PSPH: variants seen among roughly 807,000 people sequenced by gnomAD.
The protein encoded by PSPH is L-3-phosphoserine phosphatase.
In PSPH, 16 loss-of-function variants were observed where a neutral mutation model predicts 23.4. The observed-to-expected ratio is 0.68, with a 90% confidence interval of 0.46 to 1.04. The LOEUF is 1.04. Ranked by LOEUF, PSPH falls within the 50% of genes least tolerant of loss-of-function variation. The pLI is 0.00. For synonymous variants in PSPH, 68 were observed against 99.7 expected (o/e 0.68, Z 1.89); for missense variants, 223 against 273.7 (o/e 0.81, Z 1.31).
At chr7:56,017,939 T>C (rs1788802054) in intron 5 of PSPH, among the ~76,000 whole-genome samples, 1 of 151,826 alleles carries the variant, frequency 6.6e-6, no homozygotes, top group South Asian at 2.1e-4. Context: ...GCCAGGCTGG[T>C]CTTGAACTCC....
rs1216623595 is a variant in PSPH at position 56,011,590 on chromosome 7, A to G, written c.*172T>C. The G allele has an allele frequency of 8.2e-6, 1 of 122,022 alleles. No homozygotes were observed. Among genetic ancestry groups the G allele is most frequent in the Non-Finnish European group, 1.8e-5 (1 of 55,210 alleles). The allele number at this position is 122,022 out of a possible 1,614,324, so 7.6% of individuals were successfully genotyped here. A position where few individuals can be genotyped will look rare whatever the true frequency, so the allele number is the denominator to read the frequency against. On this transcript the variant is annotated 3_prime_UTR_variant, in exon 8 of 8. Coordinates refer to ENST00000275605, the MANE Select transcript of PSPH (RefSeq NM_004577.4). Reference sequence around the variant, plus strand: ...ATCATATAATACTGGAACTACAGTTAAAAAAAAAAAAAAAGCAATCTTCTA... The same window carrying G: ...ATCATATAATACTGGAACTACAGTTGAAAAAAAAAAAAAAGCAATCTTCTA...
At chr7:56,027,211 C>CAAA (rs11322718) in intron 3 of PSPH, among the ~76,000 whole-genome samples, 2 of 115,432 alleles carry the variant, frequency 1.7e-5, no homozygotes, top group African/African-American at 3.6e-5. Context: ...GTCTCAAAAA[C>CAAA]AAAAAAAAAA....
intron 1 of PSPH, among the ~76,000 whole-genome samples, chr7:56,038,406 C>T (rs867949784): frequency 2.0e-5 from 3 of 151,890 alleles, no homozygotes; most frequent in Non-Finnish European, 2.9e-5. Flanking sequence ...TTGCAGTGAG[C>T]GGAGATCGCG....
At chr7:56,031,046 C>T (rs1450772241) in intron 3 of PSPH, among the ~76,000 whole-genome samples, 1 of 149,004 alleles carries the variant, frequency 6.7e-6, no homozygotes, top group Non-Finnish European at 1.5e-5. Context: ...CCCGTCTCTA[C>T]TAAAAATATA....
At chr7:56,046,642 G>A (rs1303907819) in intron 1 of PSPH, among the ~76,000 whole-genome samples, 1 of 151,974 alleles carries the variant, frequency 6.6e-6, no homozygotes, top group East Asian at 1.9e-4. Flanking sequence ...AAATTAGCTG[G>A]GCATGGTGGC....
chr7:56,013,767 T>C (rs1488140798), intron 7 of PSPH, among the ~76,000 whole-genome samples: 4 of 151,448 alleles, frequency 2.6e-5, no homozygotes, highest in Non-Finnish European at 5.9e-5. Flanking sequence ...AAAAACAAAA[T>C]GCTCTGATAT....
chr7:56,047,781 C>G (rs1262154605), intron 1 of PSPH, among the ~76,000 whole-genome samples: 1 of 151,952 alleles, frequency 6.6e-6, no homozygotes, highest in Non-Finnish European at 1.5e-5. Context: ...ATTCTCCTGC[C>G]TCAGCCTACT....
Position 56,014,752 on chromosome 7 carries a change from T to G in PSPH, c.570+271A>C, listed in dbSNP as rs533846228. On this transcript the variant is annotated intron_variant, in intron 7 of 7. Transcript: ENST00000275605. ...TGAGGTCAGGAGTTCGAGACCAGCA[T>G]GGCCAACGTGGCGAAACATTGTCTC... Among the ~76,000 whole-genome samples the G allele has an allele frequency of 2.6e-5, 4 of 152,266 alleles. No homozygotes were observed. In the South Asian group the frequency reaches 8.3e-4, roughly 32 times the overall value.
intron 3 of PSPH, among the ~76,000 whole-genome samples, chr7:56,026,488 CAAAAAAAAAAAA>C (rs56089644): frequency 4.3e-5 from 3 of 70,342 alleles, no homozygotes; most frequent in African/African-American, 5.9e-5. Context: ...GACTCCATCT[CAAAAAAAAAAAA>C]AAAAAAAAAA....
At chr7:56,041,594 TA>T (rs1280415137) in intron 1 of PSPH, among the ~76,000 whole-genome samples, 3 of 151,918 alleles carry the variant, frequency 2.0e-5, no homozygotes, top group African/African-American at 7.2e-5. Flanking sequence ...GGTGTCCTTG[TA>T]AGAAGAGAAA....
At chr7:56,038,847 AAAAG>A (rs1377119286) in intron 1 of PSPH, among the ~76,000 whole-genome samples, 1 of 151,900 alleles carries the variant, frequency 6.6e-6, no homozygotes, top group Non-Finnish European at 1.5e-5. Context: ...TCCCCCAAAA[AAAAG>A]AAAAAAATGA....
Position 56,024,804 on chromosome 7 carries a change from CT to C in PSPH, c.-19-3574del, listed in dbSNP as rs11394881. On this transcript the variant is annotated intron_variant, in intron 3 of 7. Transcript: ENST00000275605. ...CAAATTTCAGTGTCTATTAATAAAT[CT>C]TTTTTTTTTTTTTTTTGAGAAGGAG... 2.9e-3 allele frequency among the ~76,000 whole-genome samples: 372 copies of C among 130,072 alleles called. 1 individual carries two copies. The highest frequency in any genetic ancestry group is 8.0e-3 in the Middle Eastern group (2 of 250). The allele number at this position is 130,072 out of a possible 152,430, so 85.3% of individuals were successfully genotyped here. A position where few individuals can be genotyped will look rare whatever the true frequency, so the allele number is the denominator to read the frequency against.
In PSPH at chr7:56,019,713, C is replaced by A; in HGVS notation, c.162G>T (p.Gly54=). The A allele has an allele frequency of 6.2e-7, 1 of 1,613,736 alleles. No individual in the cohort carries two copies. The change falls in exon 5 of 8, where the codon GGG becomes GGT. Residue 54 remains glycine, a synonymous_variant. Coordinates refer to ENST00000275605, the MANE Select transcript of PSPH (RefSeq NM_004577.4). ...TGAGAGCAGCTTTGAAAGGCACTGC[C>A]CCGCCCATGGCTCGCCGTGTCCTAG... ...VSEMTRRAMG[G]AVPFKAALTE...
Position 56,039,453 on chromosome 7 carries a change from T to C in PSPH, c.-291-5347A>G, listed in dbSNP as rs369204332. Among the ~76,000 whole-genome samples the C allele has an allele frequency of 4.7e-3, 713 of 152,118 alleles. 10 individuals carry two copies. The highest frequency in any genetic ancestry group is 0.014 in the African/African-American group (599 of 41,490). On this transcript the variant is annotated intron_variant, in intron 1 of 7. Coordinates refer to ENST00000275605, the MANE Select transcript of PSPH (RefSeq NM_004577.4). ...GTGTGTATAAAATATTTGCTAACAA[T>C]TGTAATATTTCTTATCAATACGTTA...
chr7:56,049,096 T>G (rs1793631266), intron 1 of PSPH, among the ~76,000 whole-genome samples: 1 of 151,818 alleles, frequency 6.6e-6, no homozygotes, highest in African/African-American at 2.4e-5. Context: ...ATTTTTTTTT[T>G]TGTATTTTTA....
chr7:56,028,492 A>G (rs568381178), intron 3 of PSPH, among the ~76,000 whole-genome samples: 1 of 152,260 alleles, frequency 6.6e-6, no homozygotes, highest in East Asian at 1.9e-4. Context: ...TCAGCCTCCC[A>G]AAGTGCTGGG....
chr7:56,022,315 C>A (rs1276161424), intron 3 of PSPH, among the ~76,000 whole-genome samples: 2 of 151,898 alleles, frequency 1.3e-5, no homozygotes, highest in African/African-American at 4.8e-5. Context: ...GCCTGGGCAA[C>A]AGAGCAAGAC....
Position 56,019,606 on chromosome 7 carries a change from C to A in PSPH, c.269G>T (p.Gly90Val). Residue 90 changes from glycine (G) to valine (V), a missense_variant, in exon 5 of 8, where the codon GGC becomes GTC. By Grantham distance (109) the Gly-to-Val change is moderately radical (BLOSUM62 -3). Transcript: ENST00000275605. ...GAGCCGGGGTTCCTCTTACCTTATG[C>A]CGGGGGTCAGGTGTGGGGGTTGCTC... ...IAEQPPHLTP[G>V]IRELVSRLQE... 3 of 1,613,508 alleles carry A rather than the reference C, an allele frequency of 1.9e-6. No homozygotes were observed. Among genetic ancestry groups the A allele is most frequent in the Non-Finnish European group, 2.5e-6 (3 of 1,179,778 alleles).
chr7:56,017,424 GAAAAAAAA>G (rs71015159), intron 5 of PSPH, 45 bp from the exon 6 acceptor site: 1 of 734,932 alleles, frequency 1.4e-6, no homozygotes, highest in Non-Finnish European at 1.8e-6. Context: ...TAATACAAAA[GAAAAAAAA>G]AAAAAAAACG....
Sources: allele counts gnomAD v4.1 joint callset (sites outside exome capture counted in the v4.1 genomes callset), GRCh38; gene constraint gnomAD v4.1.1; transcripts MANE v1.5; gene names NCBI Gene and HGNC (gene_info 2026-07-23, HGNC 2026-07-21).